ADAMTSL1: variants seen among roughly 807,000 people sequenced by gnomAD.
ADAMTSL1 encodes ADAMTS-like protein 1.
A neutral mutation model predicts 201.8 loss-of-function variants in ADAMTSL1; 126 were observed. The ratio of observed to expected loss-of-function variants is 0.62; its 90% CI spans 0.54 to 0.72. The LOEUF (loss-of-function observed/expected upper bound fraction) is 0.72. Among genes scored for constraint, ADAMTSL1 ranks in the 30% least tolerant of loss-of-function variants. ADAMTSL1 has a pLI of 0.00. For synonymous variants in ADAMTSL1, 1,121 were observed against 903.4 expected, an observed-to-expected ratio of 1.24 and a Z score of -4.32; for missense variants, 2,679 against 2,277.8, an observed-to-expected ratio of 1.18 and a Z score of -3.59.
chr9:18,639,117 A>C (rs1183251755), intron 6 of ADAMTSL1, 137 bp from the exon 7 acceptor site: 5 of 769,344 alleles, frequency 6.5e-6, no homozygotes, highest in Non-Finnish European at 1.1e-5. Context: ...TGTTGATATC[A>C]CAATTTCAAT....
intron 4 of ADAMTSL1, among the ~76,000 whole-genome samples, chr9:18,617,554 T>C (rs1825772404): frequency 6.6e-6 from 1 of 152,000 alleles, no homozygotes; most frequent in African/African-American, 2.4e-5. Context: ...TTAGTAAATC[T>C]GAAAGAAGAA....
At chr9:18,128,388 G>A (rs935335582) in intron 1 of ADAMTSL1, among the ~76,000 whole-genome samples, 1 of 152,068 alleles carries the variant, frequency 6.6e-6, no homozygotes, top group East Asian at 1.9e-4. Flanking sequence ...TGGAGACAGG[G>A]TCTCACTCCT....
chr9:17,957,064 A>G (rs1189137694), intron 1 of ADAMTSL1, among the ~76,000 whole-genome samples: 4 of 152,202 alleles, frequency 2.6e-5, no homozygotes, highest in Admixed American at 6.5e-5. Context: ...CATGATTTAG[A>G]AAACATGGAA....
intron 2 of ADAMTSL1, among the ~76,000 whole-genome samples, chr9:18,327,775 G>C (rs1834884850): frequency 6.6e-6 from 1 of 152,202 alleles, no homozygotes; most frequent in Non-Finnish European, 1.5e-5. Flanking sequence ...TATACACTGA[G>C]TTTAAATAAC....
chr9:18,178,434 G>A (rs1374257238), intron 2 of ADAMTSL1, among the ~76,000 whole-genome samples: 1 of 152,202 alleles, frequency 6.6e-6, no homozygotes, highest in South Asian at 2.1e-4. Flanking sequence ...CTGCAAGGCA[G>A]CAGCGAGGCT....
rs751269651 is a variant in ADAMTSL1 at position 18,770,627 on chromosome 9, T to G, written c.2243T>G (p.Val748Gly). 1.2e-6 allele frequency: 2 copies of G among 1,612,986 alleles called. No individual in the cohort carries two copies. The part of the protein sequence containing the change: ...QPCSRTCGGG[V>G]QKREVLCKQR... ...TGTTCCAGAACGTGTGGCGGGGGTG[T>G]TCAGAAACGTGAGGTTCTTTGCAAG... Residue 748 changes from valine to glycine, a missense_variant, in exon 17 of 29, where the codon GTT becomes GGT. Val to Gly is a moderately radical substitution (Grantham distance 109). Coordinates refer to ENST00000380548, the MANE Select transcript of ADAMTSL1 (RefSeq NM_001040272.6).
At chr9:18,395,090 A>C (rs1320068305) in intron 2 of ADAMTSL1, among the ~76,000 whole-genome samples, 1 of 152,156 alleles carries the variant, frequency 6.6e-6, no homozygotes, top group Non-Finnish European at 1.5e-5. Flanking sequence ...GATCTGTCAG[A>C]GTTTCCTCTT....
intron 1 of ADAMTSL1, among the ~76,000 whole-genome samples, chr9:17,907,378 C>A (rs1010939003): frequency 7.9e-5 from 12 of 152,204 alleles, no homozygotes; most frequent in Admixed American, 7.2e-4. Context: ...CTTCTGCGGA[C>A]CTAGTGAACT....
intron 3 of ADAMTSL1, among the ~76,000 whole-genome samples, chr9:18,538,256 A>G (rs557305986): frequency 6.6e-6 from 1 of 152,228 alleles, no homozygotes; most frequent in East Asian, 1.9e-4. Context: ...GGCTTTTCCT[A>G]AGTTACGGTG....
intron 23 of ADAMTSL1, among the ~76,000 whole-genome samples, chr9:18,881,441 C>A (rs1202511251): frequency 6.6e-6 from 1 of 151,996 alleles, no homozygotes; most frequent in African/African-American, 2.4e-5. Context: ...GGAGGTGGCC[C>A]CAGGAGAGGA....
chr9:18,678,570 C>G (rs906051093), intron 10 of ADAMTSL1, among the ~76,000 whole-genome samples: 1 of 152,114 alleles, frequency 6.6e-6, no homozygotes, highest in Non-Finnish European at 1.5e-5. Flanking sequence ...TGAAATTACA[C>G]TATGGTCAGG....
chr9:18,442,139 T>G (rs910818028), intron 2 of ADAMTSL1, among the ~76,000 whole-genome samples: 3 of 152,332 alleles, frequency 2.0e-5, no homozygotes, highest in Middle Eastern at 3.4e-3. Context: ...CAAAATATCT[T>G]CTGAAGACAA....
intron 1 of ADAMTSL1, among the ~76,000 whole-genome samples, chr9:18,064,938 G>T (rs1476215870): frequency 7.5e-6 from 1 of 132,896 alleles, no homozygotes. Context: ...GATTCAGAAA[G>T]CAGTATTTGC....
At chr9:18,203,568 T>G (rs1374084568) in intron 2 of ADAMTSL1, among the ~76,000 whole-genome samples, 6 of 151,466 alleles carry the variant, frequency 4.0e-5, no homozygotes, top group Non-Finnish European at 7.4e-5. Flanking sequence ...GTCCTAGAGT[T>G]AAGCTGTCAA....
chr9:18,096,252 A>G (rs1437930724), intron 1 of ADAMTSL1, among the ~76,000 whole-genome samples: 3 of 152,248 alleles, frequency 2.0e-5, no homozygotes, highest in Non-Finnish European at 4.4e-5. Flanking sequence ...TATAATGTGC[A>G]TATTCAGTGA....
At chr9:18,407,835 G>T (rs1410025771) in intron 2 of ADAMTSL1, among the ~76,000 whole-genome samples, 1 of 152,124 alleles carries the variant, frequency 6.6e-6, no homozygotes, top group Non-Finnish European at 1.5e-5. Flanking sequence ...GAATGAGAGG[G>T]TCAAAGATAT....
chr9:18,622,423 G>T (rs1192725128), intron 5 of ADAMTSL1, 54 bp downstream of exon 5: 1 of 1,612,970 alleles, frequency 6.2e-7, no homozygotes, highest in Admixed American at 1.7e-5. Flanking sequence ...TCCTCTCCTG[G>T]CTTAGGTCTG....
At chr9:18,573,844 C>G (rs1313430133) in intron 3 of ADAMTSL1, among the ~76,000 whole-genome samples, 186 bp from the exon 4 acceptor site, 2 of 152,116 alleles carry the variant, frequency 1.3e-5, no homozygotes, top group Admixed American at 6.6e-5. Flanking sequence ...ATTGCTTTAT[C>G]AGATTTCTAC....
At chr9:18,288,273 C>A (rs900527278) in intron 2 of ADAMTSL1, among the ~76,000 whole-genome samples, 1 of 152,072 alleles carries the variant, frequency 6.6e-6, no homozygotes, top group Non-Finnish European at 1.5e-5. Context: ...ATGTCTCCGG[C>A]AGTCAAAGCA....
Sources: allele counts gnomAD v4.1 joint callset (sites outside exome capture counted in the v4.1 genomes callset), GRCh38; gene constraint gnomAD v4.1.1; transcripts MANE v1.5; gene names NCBI Gene and HGNC (gene_info 2026-07-23, HGNC 2026-07-21).